CALN1: variants seen among roughly 807,000 people sequenced by gnomAD.
CALN1 encodes the protein calneuron 1, also known as calcium-binding protein 8.
A neutral mutation model predicts 30.6 loss-of-function variants in CALN1; 17 were observed. The observed-to-expected ratio is 0.56, with a 90% confidence interval of 0.38 to 0.83. The LOEUF is 0.83. Ranked by LOEUF, CALN1 falls within the 40% of genes least tolerant of loss-of-function variation. The probability of loss-of-function intolerance (pLI) is 0.00; values close to 1 mark genes in which losing one functional copy is unlikely to be tolerated. For synonymous variants in CALN1, 156 were observed against 131.4 expected (o/e 1.19, Z -1.28); for missense variants, 291 against 354.9 (o/e 0.82, Z 1.45).
chr7:71,799,501 T>A lies in CALN1; in HGVS notation c.658+10835A>T, dbSNP rs1584243860. Among the ~76,000 whole-genome samples, 4 of 152,180 alleles carry A rather than the reference T, an allele frequency of 2.6e-5. No homozygotes were observed. The Middle Eastern group carries it at 0.01, about 388-fold the overall frequency. ...TAGTTTTTGAGACAGAGTCTCACTCTGTTGCCCAGGCTGGAGTGCAATGGT... is the reference window on the plus strand; with the variant it reads ...TAGTTTTTGAGACAGAGTCTCACTCAGTTGCCCAGGCTGGAGTGCAATGGT... On this transcript the variant is annotated intron_variant, in intron 6 of 6. Transcript: ENST00000395275.
intron 2 of CALN1, among the ~76,000 whole-genome samples, chr7:72,367,670 A>G (rs964980484): frequency 3.3e-5 from 5 of 152,006 alleles, no homozygotes; most frequent in African/African-American, 1.2e-4. Flanking sequence ...TCTACAAATA[A>G]AAATAAAAAT....
intron 2 of CALN1, among the ~76,000 whole-genome samples, chr7:72,369,957 T>C (rs1052992700): frequency 3.3e-5 from 5 of 152,248 alleles, no homozygotes; most frequent in Admixed American, 2.6e-4. Context: ...TATGAATATA[T>C]GCTTTTATTT....
intron 3 of CALN1, among the ~76,000 whole-genome samples, chr7:72,227,785 G>C (rs1395216273): frequency 6.6e-6 from 1 of 152,018 alleles, no homozygotes; most frequent in Admixed American, 6.6e-5. Context: ...GGGAGGCGGG[G>C]GTTGCAGTGA....
At chr7:72,499,443 CA>C in the CALN1 span, among the ~76,000 whole-genome samples, 1 of 151,956 alleles carries the variant, frequency 6.6e-6, no homozygotes, top group Non-Finnish European at 1.5e-5. Flanking sequence ...ATCACAAATG[CA>C]AAATGTTATT....
chr7:71,878,516 G>A (rs1365717868), intron 5 of CALN1, among the ~76,000 whole-genome samples: 3 of 152,146 alleles, frequency 2.0e-5, no homozygotes, highest in Non-Finnish European at 2.9e-5. Context: ...CCACTTAAGA[G>A]GGAACATCAG....
intron 2 of CALN1, among the ~76,000 whole-genome samples, chr7:72,384,692 A>G (rs2944830): frequency 1.3e-5 from 2 of 151,956 alleles, no homozygotes; most frequent in Admixed American, 1.3e-4. Context: ...TTAATGCAAA[A>G]CACAAAACTA....
chr7:72,392,917 T>C (rs1182161049), intron 2 of CALN1, among the ~76,000 whole-genome samples: 2 of 152,082 alleles, frequency 1.3e-5, no homozygotes, highest in Non-Finnish European at 1.5e-5. Context: ...GAGAACTGTT[T>C]GATCCCAGAA....
intron 4 of CALN1, among the ~76,000 whole-genome samples, chr7:72,083,411 C>T (rs1299214658): frequency 6.6e-6 from 1 of 151,814 alleles, no homozygotes; most frequent in Non-Finnish European, 1.5e-5. Flanking sequence ...AGACCCCCAT[C>T]TCTACAAAAA....
At chr7:72,325,266 C>A (rs756419127) in intron 2 of CALN1, among the ~76,000 whole-genome samples, 14 of 152,130 alleles carry the variant, frequency 9.2e-5, no homozygotes, top group Non-Finnish European at 1.9e-4. Context: ...ACTCTGCACT[C>A]TAGTCTGGGT....
chr7:72,020,793 A>G (rs1469899655), intron 5 of CALN1, among the ~76,000 whole-genome samples: 2 of 152,218 alleles, frequency 1.3e-5, no homozygotes, highest in African/African-American at 2.4e-5. Flanking sequence ...TGTAAGAGAT[A>G]TATTTCCTTG....
rs1361232591 is a variant in CALN1 at position 72,015,431 on chromosome 7, TTC to T, written c.501+8224_501+8225del. 9.8e-3 allele frequency among the ~76,000 whole-genome samples: 1,334 copies of T among 135,532 alleles called. 20 individuals carry two copies. The highest frequency in any genetic ancestry group is 0.047 in the African/African-American group (1,270 of 27,254). The allele number at this position is 135,532 out of a possible 152,430, so 88.9% of individuals were successfully genotyped here. ...GGCCCAGGAGTTTGCATTTCTTTCT[TTC>T]TTTTTTTTTTTTTTTCTCTTTTTGA... On this transcript the variant is annotated intron_variant, in intron 5 of 6. Transcript: ENST00000395275.
chr7:72,131,340 A>G (rs1257832276), intron 3 of CALN1, among the ~76,000 whole-genome samples: 4 of 152,282 alleles, frequency 2.6e-5, no homozygotes, highest in African/African-American at 9.6e-5. Flanking sequence ...CAATGATAAA[A>G]TGGCTGACTC....
intron 5 of CALN1, among the ~76,000 whole-genome samples, chr7:71,920,918 T>C (rs961263516): frequency 5.9e-5 from 9 of 152,178 alleles, no homozygotes; most frequent in African/African-American, 2.2e-4. Flanking sequence ...ATGTTTATTG[T>C]GGCACTGTTC....
At chr7:72,122,891 G>A (rs1454322303) in intron 3 of CALN1, among the ~76,000 whole-genome samples, 1 of 152,146 alleles carries the variant, frequency 6.6e-6, no homozygotes. Flanking sequence ...CATCTAAGCA[G>A]TACTAAAGAA....
intron 5 of CALN1, among the ~76,000 whole-genome samples, chr7:71,922,793 C>T (rs866302983): frequency 2.4e-4 from 28 of 117,952 alleles, no homozygotes; most frequent in African/African-American, 7.8e-4. Context: ...TATAACAGAC[C>T]GAATATATTA....
chr7:72,457,815 G>C, the CALN1 span, among the ~76,000 whole-genome samples: 1 of 150,690 alleles, frequency 6.6e-6, no homozygotes, highest in Non-Finnish European at 1.5e-5. Context: ...CAGTGCAGAG[G>C]TGCAATCATA....
chr7:72,114,242 TTGAAGGGAAGGGAAGGGAAGGGAA>T (rs1807782895), intron 3 of CALN1, among the ~76,000 whole-genome samples: 1 of 51,376 alleles, frequency 1.9e-5, no homozygotes, highest in African/African-American at 1.0e-4. Context: ...AAAATAAAAG[TTGAAGGGAAGGGAAGGGAAGGGAA>T]GGGAAGGGAA....
chr7:72,312,669 G>A (rs79935454), intron 2 of CALN1, among the ~76,000 whole-genome samples: 9 of 152,058 alleles, frequency 5.9e-5, no homozygotes, highest in Non-Finnish European at 8.8e-5. Flanking sequence ...GTCAAAGAAA[G>A]AAGGACAATG....
chr7:72,425,535 T>C (rs1265538066), intron 1 of CALN1, among the ~76,000 whole-genome samples: 1 of 152,238 alleles, frequency 6.6e-6, no homozygotes, highest in Non-Finnish European at 1.5e-5. Context: ...CATCCACGAC[T>C]GTGAATTTAT....
Sources: gnomAD v4.1 joint callset for allele counts (sites outside exome capture counted in the v4.1 genomes callset) on GRCh38, gnomAD v4.1.1 for gene constraint, MANE v1.5 for transcripts, NCBI Gene and HGNC (gene_info 2026-07-23, HGNC 2026-07-21) for gene names.